Variants in ST8SIA5 observed in about 807,000 individuals in gnomAD.
The protein encoded by ST8SIA5 is ST8 alpha-N-acetyl-neuraminide alpha-2,8-sialyltransferase 5.
In ST8SIA5, 24 loss-of-function variants were observed where a neutral mutation model predicts 40.2. The ratio of observed to expected loss-of-function variants is 0.60; its 90% confidence interval spans 0.43 to 0.84. The LOEUF (loss-of-function observed/expected upper bound fraction) is 0.84, where lower values mean the gene tolerates loss of function less well. Among genes scored for constraint, ST8SIA5 ranks in the 40% least tolerant of loss-of-function variants. ST8SIA5 has a pLI of 0.00. For synonymous variants in ST8SIA5, 198 were observed against 201.8 expected, an observed-to-expected ratio of 0.98 and a Z score of 0.16; for missense variants, 465 against 498.5, an observed-to-expected ratio of 0.93 and a Z score of 0.64.
chr18:46,741,750 G>C (rs536134716), intron 1 of ST8SIA5, among the ~76,000 whole-genome samples: 2 of 151,982 alleles, frequency 1.3e-5, no homozygotes, highest in African/African-American at 4.8e-5. Flanking sequence ...AGGTTAAAGG[G>C]GAAAAACTAC....
intron 1 of ST8SIA5, among the ~76,000 whole-genome samples, chr18:46,718,558 T>C (rs1294391895): frequency 6.6e-6 from 1 of 152,036 alleles, no homozygotes; most frequent in Non-Finnish European, 1.5e-5. Flanking sequence ...TGGCTTGAAT[T>C]TGCTTTGTAG....
intron 1 of ST8SIA5, among the ~76,000 whole-genome samples, chr18:46,738,291 C>T (rs8097980): frequency 0.073 from 10,881 of 148,656 alleles, 731 homozygotes; most frequent in East Asian, 0.31. Flanking sequence ...GAAGAAGAGA[C>T]GGAATCCGGG....
intron 1 of ST8SIA5, among the ~76,000 whole-genome samples, chr18:46,726,313 G>C (rs899590687): frequency 1.3e-5 from 2 of 151,938 alleles, no homozygotes; most frequent in Non-Finnish European, 2.9e-5. Flanking sequence ...ACTGGTAGTT[G>C]CTGGGCCAAG....
rs868334694 is a variant in ST8SIA5 at position 46,715,545 on chromosome 18, A to T, written c.132-10881T>A. ...GCAGCTTTGACAACAGTTGCACAGA[A>T]GTGATCTATTTTTTTTTTTTTTTAA... On this transcript the variant is annotated intron_variant, in intron 1 of 6. Coordinates refer to ENST00000315087, the MANE Select transcript of ST8SIA5 (RefSeq NM_013305.6). Among the ~76,000 whole-genome samples, 9 of 143,404 alleles carry T rather than the reference A, an allele frequency of 6.3e-5. No individual in the cohort carries two copies. The South Asian group carries it at 2.1e-3, about 33-fold the overall frequency. The allele number at this position is 143,404 out of a possible 152,430, so 94.1% of individuals were successfully genotyped here.
intron 1 of ST8SIA5, among the ~76,000 whole-genome samples, chr18:46,735,958 A>G (rs1195705375): frequency 6.6e-6 from 1 of 152,118 alleles, no homozygotes; most frequent in Non-Finnish European, 1.5e-5. Context: ...CTTTGGAGGA[A>G]ATTAGGGGAA....
chr18:46,686,136 T>G, intron 5 of ST8SIA5, 38 bp downstream of exon 5: 1 of 1,585,530 alleles, frequency 6.3e-7, no homozygotes, highest in Non-Finnish European at 8.7e-7. Flanking sequence ...GAGAGGGCCA[T>G]GGGGTAGTGG....
chr18:46,733,800 G>A (rs1248319340), intron 1 of ST8SIA5, among the ~76,000 whole-genome samples: 2 of 152,138 alleles, frequency 1.3e-5, no homozygotes, highest in Non-Finnish European at 2.9e-5. Flanking sequence ...CTTTCACTGG[G>A]GCCAAGTGAG....
intron 2 of ST8SIA5, among the ~76,000 whole-genome samples, chr18:46,699,300 T>C (rs1009260935): frequency 6.6e-6 from 1 of 152,148 alleles, no homozygotes; most frequent in African/African-American, 2.4e-5. Context: ...TACCCCTCAA[T>C]TGTGGAAATG....
In ST8SIA5 at chr18:46,713,572, C is replaced by T. The variant is rs73433072; in HGVS notation, c.132-8908G>A. Among the ~76,000 whole-genome samples, 546 of 152,294 alleles carry T rather than the reference C, an allele frequency of 3.6e-3. 2 individuals carry two copies. Among genetic ancestry groups the T allele is most frequent in the African/African-American group, 0.013 (525 of 41,560 alleles). On this transcript the variant is annotated intron_variant, in intron 1 of 6. Transcript: ENST00000315087. ...GGGCCAAGGACAGGCCTGAGGTCAG[C>T]TCCCACATTCAGATGGCAGCAAATG...
At chr18:46,700,759 C>T (rs2039605244) in intron 2 of ST8SIA5, among the ~76,000 whole-genome samples, 1 of 152,148 alleles carries the variant, frequency 6.6e-6, no homozygotes, top group South Asian at 2.1e-4. Flanking sequence ...AGAGAGGGTG[C>T]CCCAAGGCAG....
intron 1 of ST8SIA5, among the ~76,000 whole-genome samples, chr18:46,710,674 C>T (rs2039723203): frequency 6.6e-6 from 1 of 151,136 alleles, no homozygotes; most frequent in African/African-American, 2.4e-5. Flanking sequence ...TTTCAGCATG[C>T]CCAGGGTCTG....
At chr18:46,685,164 G>A (rs866494029) in intron 5 of ST8SIA5, among the ~76,000 whole-genome samples, 1 of 152,196 alleles carries the variant, frequency 6.6e-6, no homozygotes, top group Non-Finnish European at 1.5e-5. Context: ...ACATTCCTGA[G>A]GTCATGTGCC....
At chr18:46,694,116 A>G (rs2039533026) in intron 2 of ST8SIA5, among the ~76,000 whole-genome samples, 1 of 152,216 alleles carries the variant, frequency 6.6e-6, no homozygotes, top group African/African-American at 2.4e-5. Flanking sequence ...GAAGCTCCTC[A>G]AGCCAGGCCA....
At chr18:46,704,536 ATGCTCCC>A in intron 2 of ST8SIA5, 29 bp downstream of exon 2, 1 of 1,533,772 alleles carries the variant, frequency 6.5e-7, no homozygotes, top group Non-Finnish European at 8.9e-7. Flanking sequence ...CCACCTCCAC[ATGCTCCC>A]TGCACCCACC....
intron 1 of ST8SIA5, among the ~76,000 whole-genome samples, chr18:46,744,884 T>G (rs1254492967): frequency 3.3e-5 from 5 of 152,154 alleles, no homozygotes; most frequent in Non-Finnish European, 7.3e-5. Flanking sequence ...CACAGTGCAA[T>G]CAAATTAGAA....
chr18:46,699,671 G>A (rs370457571), intron 2 of ST8SIA5, among the ~76,000 whole-genome samples: 24 of 152,112 alleles, frequency 1.6e-4, no homozygotes, highest in Middle Eastern at 3.2e-3. Context: ...GAGCCACCGC[G>A]CCCAGCCTTT....
At chr18:46,686,955 C>T (rs1283263262) in intron 4 of ST8SIA5, among the ~76,000 whole-genome samples, 1 of 152,158 alleles carries the variant, frequency 6.6e-6, no homozygotes, top group African/African-American at 2.4e-5. Context: ...GGCTCCATCC[C>T]AGCACCACAG....
At chr18:46,684,799 A>G (rs1265773840) in intron 5 of ST8SIA5, among the ~76,000 whole-genome samples, 1 of 152,154 alleles carries the variant, frequency 6.6e-6, no homozygotes, top group Non-Finnish European at 1.5e-5. Context: ...CCCTGGTTAT[A>G]GGGTTAGGTT....
chr18:46,699,928 C>A (rs2039594834), intron 2 of ST8SIA5, among the ~76,000 whole-genome samples: 1 of 152,170 alleles, frequency 6.6e-6, no homozygotes, highest in Non-Finnish European at 1.5e-5. Context: ...TTGCTCCCAG[C>A]CTCTTTCTTG....
Sources: gnomAD v4.1 joint callset for allele counts (sites outside exome capture counted in the v4.1 genomes callset) on GRCh38, gnomAD v4.1.1 for gene constraint, MANE v1.5 for transcripts, NCBI Gene and HGNC (gene_info 2026-07-23, HGNC 2026-07-21) for gene names.